The following TG variants were observed in gnomAD, a reference collection of about 807,000 sequenced individuals.
TG encodes the protein thyroglobulin, also known as thyroid hormones.
TG carries 270 observed loss-of-function variants against 324.7 expected under a neutral mutation model. That is an observed-to-expected ratio of 0.83 (90% confidence interval 0.75 to 0.92). The LOEUF is 0.92. TG is among the 40% of genes least tolerant of loss of function. The probability of loss-of-function intolerance (pLI) is 0.00; values close to 1 mark genes in which losing one functional copy is unlikely to be tolerated. For synonymous variants in TG, 1,401 were observed against 1,327.0 expected (o/e 1.06, Z -1.21); for missense variants, 3,591 against 3,456.4 (o/e 1.04, Z -0.98).
At chr8:133,111,532 G>T (rs144187145) in intron 43 of TG, among the ~76,000 whole-genome samples, 1 of 152,190 alleles carries the variant, frequency 6.6e-6, no homozygotes, top group Admixed American at 6.5e-5. Flanking sequence ...CTATTAGCAG[G>T]TTGTAGAGTC....
At chr8:133,038,284 G>T (rs149882670) in intron 41 of TG, 1 of 550,480 alleles carries the variant, frequency 1.8e-6, no homozygotes, top group Non-Finnish European at 3.3e-6. Flanking sequence ...TCCAAGCATC[G>T]CCCGACATGT....
intron 31 of TG, 82 bp from the exon 32 acceptor site, chr8:132,969,376 C>A: frequency 3.1e-6 from 3 of 955,040 alleles, no homozygotes; most frequent in South Asian, 1.3e-5. Flanking sequence ...AACTTTCAGT[C>A]TGTATTTTAC....
At chr8:132,923,568 CT>C in intron 22 of TG, 60 bp downstream of exon 22, 1 of 1,550,524 alleles carries the variant, frequency 6.4e-7, no homozygotes, top group Non-Finnish European at 8.7e-7. Flanking sequence ...GTCTCAAGGG[CT>C]TTTTAGAAAG....
chr8:133,015,893 C>T (rs1445989347), intron 37 of TG, among the ~76,000 whole-genome samples: 8 of 152,312 alleles, frequency 5.3e-5, no homozygotes, highest in Middle Eastern at 3.4e-3. Flanking sequence ...AATGTCTTTG[C>T]GACAGAGAAG....
chr8:132,936,513 G>T (rs567081180), intron 25 of TG, among the ~76,000 whole-genome samples: 1 of 152,356 alleles, frequency 6.6e-6, no homozygotes, highest in East Asian at 1.9e-4. Flanking sequence ...CACACTTTGA[G>T]TAGCAAGCTG....
intron 11 of TG, among the ~76,000 whole-genome samples, chr8:132,895,411 C>T (rs1410342243): frequency 1.3e-5 from 2 of 152,236 alleles, no homozygotes; most frequent in African/African-American, 2.4e-5. Flanking sequence ...TCTTTGTTCT[C>T]CTAATACCAC....
chr8:133,051,471 C>T (rs538087639), intron 41 of TG, among the ~76,000 whole-genome samples: 1 of 152,160 alleles, frequency 6.6e-6, no homozygotes, highest in South Asian at 2.1e-4. Flanking sequence ...GACCATGAGG[C>T]AGTAACTCTG....
At chr8:133,042,265 C>G (rs1238817043) in intron 41 of TG, among the ~76,000 whole-genome samples, 1 of 152,166 alleles carries the variant, frequency 6.6e-6, no homozygotes, top group Non-Finnish European at 1.5e-5. Context: ...GGTTCAGACC[C>G]CCTGGTCTAA....
chr8:133,002,825 G>A, intron 35 of TG: 1 of 212,180 alleles, frequency 4.7e-6, no homozygotes, highest in Non-Finnish European at 9.1e-6. Context: ...TAATTCTCTT[G>A]TCAAGAATCA....
chr8:132,887,318 C>G lies in TG; in HGVS notation c.1946C>G (p.Ser649Ter). Residue 649 changes from serine (S) to a stop codon, truncating the protein, a stop_gained, in exon 9 of 48, where the codon TCA (serine) becomes TGA (stop). Coordinates refer to ENST00000220616, the MANE Select transcript of TG (RefSeq NM_003235.5). LOFTEE classifies it high-confidence loss of function. Reference protein sequence around the residue: ...VNSWGKELPGSRVRGGQPRCP... With the variant: ...VNSWGKELPG ...TCCTGGGGCAAAGAGCTTCCAGGCT[C>G]AAGAGTCAGAGGTGGACAGCCAAGG... The G allele has an allele frequency of 1.2e-6, 2 of 1,608,480 alleles. No individual in the cohort carries two copies. Among genetic ancestry groups the G allele is most frequent in the Non-Finnish European group, 1.7e-6 (2 of 1,175,720 alleles).
rs146293727 is a variant in TG at position 132,886,471 on chromosome 8, G to T, written c.1099G>T (p.Glu367Ter). The T allele has an allele frequency of 1.2e-6, 2 of 1,614,128 alleles. No individual in the cohort carries two copies. Among genetic ancestry groups the T allele is most frequent in the Non-Finnish European group, 1.7e-6 (2 of 1,180,040 alleles). ...SCAEGQSCAS[E>*]RQQALSRLYF... ...AGCTGAAGGCCAATCTTGTGCCTCC[G>T]AAAGGCAGCAGGCCTTGTCCAGACT... The change falls in exon 9 of 48, where the codon GAA becomes TAA. Residue 367 changes from glutamate to a stop codon, truncating the protein, a stop_gained. Transcript: ENST00000220616. LOFTEE classifies it high-confidence loss of function.
intron 41 of TG, among the ~76,000 whole-genome samples, chr8:133,042,685 T>C (rs1258185554): frequency 1.5e-4 from 18 of 116,918 alleles, no homozygotes; most frequent in South Asian, 3.1e-4. Context: ...TGTCTTTTTT[T>C]TTTTTTTTTT....
rs548786565 is a variant in TG, at chr8:132,986,358, T to C, written c.6262+2946T>C. ...ATATGTGTGTATATATATGTATATA[T>C]GTGTATATATAGTATATATATGTGT... On this transcript the variant is annotated intron_variant, in intron 35 of 47. Coordinates refer to ENST00000220616, the MANE Select transcript of TG (RefSeq NM_003235.5). Among the ~76,000 whole-genome samples, 3 of 100,308 alleles carry C rather than the reference T, an allele frequency of 3.0e-5. No individual in the cohort carries two copies. The East Asian group carries it at 5.9e-4, about 20-fold the overall frequency. The allele number at this position is 100,308 out of a possible 152,430, so 65.8% of individuals were successfully genotyped here. A position where few individuals can be genotyped will look rare whatever the true frequency, so the allele number is the denominator to read the frequency against.
chr8:133,087,116 ACACACACG>A (rs1269362394), intron 41 of TG, among the ~76,000 whole-genome samples: 46 of 118,460 alleles, frequency 3.9e-4, no homozygotes, highest in Admixed American at 3.5e-3. Flanking sequence ...ACACACACAC[ACACACACG>A]GAAGAGACAT....
chr8:133,003,908 G>T (rs1209598984), intron 35 of TG, among the ~76,000 whole-genome samples: 2 of 152,258 alleles, frequency 1.3e-5, no homozygotes. Context: ...TCTTGGGCAA[G>T]TCAGTGGCCC....
intron 29 of TG, among the ~76,000 whole-genome samples, chr8:132,965,546 A>C (rs1043705207): frequency 3.3e-5 from 5 of 152,224 alleles, no homozygotes; most frequent in African/African-American, 1.2e-4. Flanking sequence ...CCTGATCTGC[A>C]TCTTGCCATC....
chr8:133,073,658 C>T (rs1382052287), intron 41 of TG, among the ~76,000 whole-genome samples: 1 of 152,200 alleles, frequency 6.6e-6, no homozygotes, highest in African/African-American at 2.4e-5. Flanking sequence ...TGCAGCTCAG[C>T]ATCTCATAGC....
intron 41 of TG, among the ~76,000 whole-genome samples, chr8:133,067,134 G>A (rs886739178): frequency 6.6e-6 from 1 of 151,964 alleles, no homozygotes; most frequent in African/African-American, 2.4e-5. Flanking sequence ...TGGTCTCCCT[G>A]GCAGGATTTC....
intron 41 of TG, among the ~76,000 whole-genome samples, chr8:133,066,498 C>G (rs998664209): frequency 2.0e-5 from 3 of 152,158 alleles, no homozygotes; most frequent in Admixed American, 2.0e-4. Flanking sequence ...CAAGGACTCT[C>G]TCTGGGTAGT....
Sources: allele counts gnomAD v4.1 joint callset (sites outside exome capture counted in the v4.1 genomes callset), GRCh38; gene constraint gnomAD v4.1.1; transcripts MANE v1.5; gene names NCBI Gene and HGNC (gene_info 2026-07-23, HGNC 2026-07-21).